Variants in AK5 observed in about 807,000 individuals in gnomAD.
The protein encoded by AK5 is adenylate kinase isoenzyme 5.
In AK5, 27 loss-of-function variants were observed where a neutral mutation model predicts 69.5. That is an observed-to-expected ratio of 0.39 (90% CI 0.29 to 0.54). The LOEUF (loss-of-function observed/expected upper bound fraction) is 0.54, where lower values mean the gene tolerates loss of function less well. Ranked by LOEUF, AK5 falls within the 20% of genes least tolerant of loss-of-function variation. The pLI is 0.71. For synonymous variants in AK5, 260 were observed against 244.4 expected, an observed-to-expected ratio of 1.06 and a Z score of -0.60; for missense variants, 531 against 700.4, an observed-to-expected ratio of 0.76 and a Z score of 2.73.
chr1:77,294,653 A>C (rs1658884424), intron 3 of AK5, among the ~76,000 whole-genome samples: 1 of 152,214 alleles, frequency 6.6e-6, no homozygotes, highest in Admixed American at 6.5e-5. Flanking sequence ...AGTATTAACC[A>C]AAATAACAAT....
At chr1:77,503,615 G>T (rs1199619252) in intron 10 of AK5, among the ~76,000 whole-genome samples, 2 of 152,078 alleles carry the variant, frequency 1.3e-5, no homozygotes, top group Non-Finnish European at 2.9e-5. Context: ...AAAAATTGGG[G>T]TGGAGGCCGG....
At chr1:77,351,330 G>A (rs1662186446) in intron 6 of AK5, among the ~76,000 whole-genome samples, 1 of 152,112 alleles carries the variant, frequency 6.6e-6, no homozygotes, top group South Asian at 2.1e-4. Context: ...AGGAGATGGA[G>A]GTTGCAATGA....
intron 12 of AK5, among the ~76,000 whole-genome samples, chr1:77,531,276 G>A (rs979903571): frequency 6.6e-6 from 1 of 152,194 alleles, no homozygotes; most frequent in African/African-American, 2.4e-5. Flanking sequence ...TTACCGCAAA[G>A]AGCAAAAGAA....
chr1:77,531,042 G>A (rs1658543399), intron 12 of AK5, among the ~76,000 whole-genome samples: 1 of 152,132 alleles, frequency 6.6e-6, no homozygotes, highest in South Asian at 2.1e-4. Flanking sequence ...TGGGTTCTTG[G>A]TCTCACTGAC....
intron 6 of AK5, among the ~76,000 whole-genome samples, chr1:77,399,435 G>C (rs1040698597): frequency 6.6e-6 from 1 of 152,022 alleles, no homozygotes; most frequent in Non-Finnish European, 1.5e-5. Context: ...GCTTTGAATC[G>C]ACTGTCTCCT....
intron 6 of AK5, among the ~76,000 whole-genome samples, chr1:77,367,569 A>ATATATATATATATATATGT (rs1553139695): frequency 9.5e-5 from 3 of 31,622 alleles, no homozygotes; most frequent in Non-Finnish European, 1.9e-4. Flanking sequence ...ATATATATAT[A>ATATATATATATATATATGT]TATATATATA....
chr1:77,427,105 A>ACCAAATTAAGT (rs1553149401), intron 8 of AK5, among the ~76,000 whole-genome samples: 1 of 151,950 alleles, frequency 6.6e-6, no homozygotes, highest in Non-Finnish European at 1.5e-5. Flanking sequence ...GAAAAAGAAG[A>ACCAAATTAAGT]CCAAATTAAG....
At chr1:77,520,919 T>A (rs1043723110) in intron 11 of AK5, among the ~76,000 whole-genome samples, 3 of 152,170 alleles carry the variant, frequency 2.0e-5, no homozygotes, top group Non-Finnish European at 4.4e-5. Flanking sequence ...GAAAAGGGAA[T>A]TCCTCCACTG....
intron 6 of AK5, among the ~76,000 whole-genome samples, chr1:77,369,916 A>C (rs1464767012): frequency 6.6e-6 from 1 of 152,210 alleles, no homozygotes; most frequent in African/African-American, 2.4e-5. Context: ...ACGCACTTTA[A>C]TGCCGCTGCC....
intron 6 of AK5, among the ~76,000 whole-genome samples, chr1:77,364,513 C>T (rs1283111486): frequency 6.6e-6 from 1 of 152,192 alleles, no homozygotes; most frequent in African/African-American, 2.4e-5. Flanking sequence ...TAACAAATCT[C>T]TGTATCATCC....
chr1:77,511,552 A>T (rs993400198), intron 10 of AK5, among the ~76,000 whole-genome samples: 2 of 152,246 alleles, frequency 1.3e-5, no homozygotes, highest in Non-Finnish European at 2.9e-5. Context: ...AGTGGGAAAT[A>T]TTAGCATCCA....
chr1:77,405,049 T>C (rs1287625071), intron 6 of AK5, among the ~76,000 whole-genome samples: 1 of 152,146 alleles, frequency 6.6e-6, no homozygotes, highest in Non-Finnish European at 1.5e-5. Context: ...AAAAAATGTG[T>C]ATGTGTTTGA....
At chr1:77,352,705 T>A (rs903225651) in intron 6 of AK5, among the ~76,000 whole-genome samples, 1 of 152,064 alleles carries the variant, frequency 6.6e-6, no homozygotes, top group African/African-American at 2.4e-5. Flanking sequence ...CTGGAAGTGG[T>A]TCAGGAGATC....
intron 8 of AK5, among the ~76,000 whole-genome samples, chr1:77,457,545 C>G (rs1653569093): frequency 6.6e-6 from 1 of 152,078 alleles, no homozygotes; most frequent in South Asian, 2.1e-4. Flanking sequence ...TTTTCAAGAG[C>G]TCTTTCTTTC....
At chr1:77,325,172 T>TTTTTGTA (rs1338081301) in intron 5 of AK5, among the ~76,000 whole-genome samples, 1 of 151,364 alleles carries the variant, frequency 6.6e-6, no homozygotes, top group Non-Finnish European at 1.5e-5. Flanking sequence ...TTTTTTTTTT[T>TTTTTGTA]TTTTGTATTT....
chr1:77,483,200 T>C, intron 8 of AK5, 117 bp from the exon 9 acceptor site: 1 of 719,382 alleles, frequency 1.4e-6, no homozygotes, highest in African/African-American at 1.8e-5. Context: ...CTCATAAAAT[T>C]GTTTGGAGGT....
intron 6 of AK5, among the ~76,000 whole-genome samples, chr1:77,372,526 A>T (rs1456598440): frequency 1.3e-5 from 2 of 152,238 alleles, no homozygotes; most frequent in Non-Finnish European, 2.9e-5. Flanking sequence ...TATGACTCTT[A>T]GTCATTCTTA....
intron 10 of AK5, among the ~76,000 whole-genome samples, chr1:77,510,831 A>G (rs1657306067): frequency 1.3e-5 from 2 of 152,070 alleles, no homozygotes; most frequent in African/African-American, 2.4e-5. Context: ...CTCAGATACC[A>G]TAGAGCCTAA....
intron 6 of AK5, among the ~76,000 whole-genome samples, chr1:77,383,419 C>T (rs1026167865): frequency 6.6e-6 from 1 of 151,938 alleles, no homozygotes; most frequent in Non-Finnish European, 1.5e-5. Context: ...GTTAGGAAAT[C>T]CAGGGTAATA....
Sources: allele counts gnomAD v4.1 joint callset (sites outside exome capture counted in the v4.1 genomes callset), GRCh38; gene constraint gnomAD v4.1.1; transcripts MANE v1.5; gene names NCBI Gene and HGNC (gene_info 2026-07-23, HGNC 2026-07-21).